The following VSTM2A variants were observed in gnomAD, a reference collection of about 807,000 sequenced individuals.
The protein encoded by VSTM2A is V-set and transmembrane domain-containing protein 2A.
VSTM2A carries 13 observed loss-of-function variants against 27.3 expected under a neutral mutation model. The ratio of observed to expected loss-of-function variants is 0.48; its 90% CI spans 0.31 to 0.76. VSTM2A has a LOEUF of 0.76. Ranked by LOEUF, VSTM2A falls within the 30% of genes least tolerant of loss-of-function variation. The pLI, the probability that VSTM2A is intolerant of heterozygous loss-of-function variation, is 0.05. For synonymous variants in VSTM2A, 142 were observed against 125.7 expected, an observed-to-expected ratio of 1.13 and a Z score of -0.87; for missense variants, 280 against 310.0, an observed-to-expected ratio of 0.90 and a Z score of 0.73.
chr7:54,550,506 G>T, intron 4 of VSTM2A: 1 of 458,800 alleles, frequency 2.2e-6, no homozygotes, highest in Non-Finnish European at 3.6e-6. Flanking sequence ...TTTCTCTACA[G>T]ATTTATGTAT....
At chr7:54,560,188 T>C (rs776662470) in intron 4 of VSTM2A, among the ~76,000 whole-genome samples, 6 of 152,174 alleles carry the variant, frequency 3.9e-5, no homozygotes, top group Non-Finnish European at 7.4e-5. Context: ...TGTATAATTA[T>C]AGAGTTCAGG....
In VSTM2A at chr7:54,544,604, T is replaced by C. The variant is rs1225958000; in HGVS notation, c.80-18T>C. On this transcript the variant is annotated intron_variant, in intron 1 of 4. Coordinates refer to ENST00000402613, the MANE Select transcript of VSTM2A (RefSeq NM_001301009.2). ...GAGGGGTGTGGATATTCCAACAGGA[T>C]GCCTTTCTGTTTTGCAGCAAAATTT... The C allele has an allele frequency of 6.2e-6, 10 of 1,612,622 alleles. No individual in the cohort carries two copies. In the East Asian group the frequency reaches 8.9e-5, roughly 14 times the overall value.
chr7:54,556,464 G>GA (rs558262651), intron 4 of VSTM2A, among the ~76,000 whole-genome samples: 63 of 152,182 alleles, frequency 4.1e-4, no homozygotes, highest in Non-Finnish European at 8.2e-4. Context: ...TCTTTGCAGG[G>GA]AGAGTGCTTG....
At chr7:54,568,954 T>TA (rs1788807763) in intron 4 of VSTM2A, 177 bp from the exon 5 acceptor site, 1 of 1,547,114 alleles carries the variant, frequency 6.5e-7, no homozygotes, top group African/African-American at 1.4e-5. Context: ...AACAACCTAA[T>TA]AAGGAGCGTT....
chr7:54,564,011 A>G (rs1788644387), intron 4 of VSTM2A, among the ~76,000 whole-genome samples: 2 of 152,232 alleles, frequency 1.3e-5, no homozygotes, highest in Admixed American at 1.3e-4. Context: ...AAATTGCATT[A>G]GAAGCTAGCT....
chr7:54,553,765 C>G, intron 4 of VSTM2A: 2 of 1,476,318 alleles, frequency 1.4e-6, no homozygotes, highest in Non-Finnish European at 1.8e-6. Flanking sequence ...TGGTTTAGGT[C>G]CCTCTTCGCA....
chr7:54,555,455 G>C (rs1264101649), intron 4 of VSTM2A, among the ~76,000 whole-genome samples: 2 of 152,124 alleles, frequency 1.3e-5, no homozygotes, highest in African/African-American at 2.4e-5. Context: ...TGCAAATGCT[G>C]TTTCCTTTGT....
chr7:54,569,098 A>G (rs1417136257), intron 4 of VSTM2A, 33 bp from the exon 5 acceptor site: 7 of 1,597,554 alleles, frequency 4.4e-6, no homozygotes, highest in Non-Finnish European at 6.0e-6. Context: ...TAAAGTGCTG[A>G]CTTTTTTCCA....
intron 4 of VSTM2A, among the ~76,000 whole-genome samples, chr7:54,561,312 T>C (rs1788554753): frequency 6.6e-6 from 1 of 152,114 alleles, no homozygotes; most frequent in Admixed American, 6.5e-5. Context: ...TTATGTATAG[T>C]GCAAAACACT....
intron 3 of VSTM2A, among the ~76,000 whole-genome samples, chr7:54,548,776 T>C (rs1788084996): frequency 6.6e-6 from 1 of 152,102 alleles, no homozygotes; most frequent in Non-Finnish European, 1.5e-5. Flanking sequence ...TATATACCTC[T>C]ATATGTAAAA....
chr7:54,555,246 A>G (rs1269414778), intron 4 of VSTM2A, among the ~76,000 whole-genome samples: 2 of 152,212 alleles, frequency 1.3e-5, no homozygotes, highest in African/African-American at 2.4e-5. Context: ...TCTATTCCAA[A>G]AAGAATTTCT....
At chr7:54,562,704 G>A (rs2115912303) in intron 4 of VSTM2A, among the ~76,000 whole-genome samples, 1 of 152,292 alleles carries the variant, frequency 6.6e-6, no homozygotes, top group African/African-American at 2.4e-5. Context: ...GGACACCAGT[G>A]CACATGGATG....
At chr7:54,565,728 T>C (rs1788700236) in intron 4 of VSTM2A, among the ~76,000 whole-genome samples, 1 of 152,266 alleles carries the variant, frequency 6.6e-6, no homozygotes, top group African/African-American at 2.4e-5. Flanking sequence ...GCTGCCAAGG[T>C]CTCAACTACT....
chr7:54,562,694 G>T (rs1203920119), intron 4 of VSTM2A, among the ~76,000 whole-genome samples: 1 of 152,150 alleles, frequency 6.6e-6, no homozygotes, highest in East Asian at 1.9e-4. Context: ...ATCGCTGAAA[G>T]GACACCAGTG....
chr7:54,545,990 GA>G (rs1258756273), intron 2 of VSTM2A, among the ~76,000 whole-genome samples: 73 of 94,052 alleles, frequency 7.8e-4, no homozygotes, highest in Non-Finnish European at 1.1e-3. Flanking sequence ...GAGAGAGAAT[GA>G]GGGGGGAAGG....
At chr7:54,552,601 G>A (rs933391587) in intron 4 of VSTM2A, 20 of 152,022 alleles carry the variant, frequency 1.3e-4, no homozygotes, top group African/African-American at 4.6e-4. Context: ...CCAGGCACAG[G>A]GACACAAACA....
At chr7:54,554,100 C>T in intron 4 of VSTM2A, 1 of 1,550,162 alleles carries the variant, frequency 6.5e-7, no homozygotes, top group African/African-American at 1.4e-5. Flanking sequence ...GCTCGCACTC[C>T]CAAAGCTGTC....
At chr7:54,555,062 A>G (rs1424827436) in intron 4 of VSTM2A, among the ~76,000 whole-genome samples, 1 of 152,186 alleles carries the variant, frequency 6.6e-6, no homozygotes, top group Non-Finnish European at 1.5e-5. Flanking sequence ...TATCACAGTC[A>G]TTGGTCTTGA....
chr7:54,549,912 G>C lies in VSTM2A; in HGVS notation c.376G>C (p.Glu126Gln), dbSNP rs1027478989. Reference protein sequence around the residue: ...KVRKKDEGLYECRVTDANYGE... With the variant: ...KVRKKDEGLYQCRVTDANYGE... Reference sequence around the variant, plus strand: ...GAGGAAAAAGGATGAAGGCTTATATGAGTGCAGGGTGACTGATGCCAACTA... The same window carrying C: ...GAGGAAAAAGGATGAAGGCTTATATCAGTGCAGGGTGACTGATGCCAACTA... The change falls in exon 4 of 5, where the codon GAG becomes CAG. Residue 126 changes from glutamate to glutamine, a missense_variant. Glu to Gln is a conservative substitution (Grantham distance 29, BLOSUM62 2). Transcript: ENST00000402613. The C allele has an allele frequency of 6.2e-7, 1 of 1,613,926 alleles. No homozygotes were observed. The highest frequency in any genetic ancestry group is 8.5e-7 in the Non-Finnish European group (1 of 1,179,864).
Sources: gnomAD v4.1 joint callset for allele counts (sites outside exome capture counted in the v4.1 genomes callset) on GRCh38, gnomAD v4.1.1 for gene constraint, MANE v1.5 for transcripts, NCBI Gene and HGNC (gene_info 2026-07-23, HGNC 2026-07-21) for gene names.